Variants in ADGRV1 observed in about 807,000 individuals in gnomAD.
ADGRV1 encodes adhesion G protein-coupled receptor V1.
A neutral mutation model predicts 596.2 loss-of-function variants in ADGRV1; 359 were observed. That is an observed-to-expected ratio of 0.60 (90% confidence interval 0.55 to 0.66). The LOEUF (loss-of-function observed/expected upper bound fraction) is 0.66. ADGRV1 is among the 30% of genes least tolerant of loss of function. ADGRV1 has a pLI of 0.00. For missense variants in ADGRV1, 7,274 were observed against 7,575.6 expected (o/e 0.96, Z 1.48); for synonymous variants, 2,681 against 2,679.2 (o/e 1.00, Z -0.02).
chr5:90,746,527 G>C (rs1355077913), intron 52 of ADGRV1, among the ~76,000 whole-genome samples: 1 of 152,140 alleles, frequency 6.6e-6, no homozygotes, highest in African/African-American at 2.4e-5. Flanking sequence ...TGCACACCAA[G>C]AGCATGTCCT....
chr5:90,647,957 A>T lies in ADGRV1; in HGVS notation c.3289+193A>T, dbSNP rs116043229. On this transcript the variant is annotated intron_variant, in intron 17 of 89. Coordinates refer to ENST00000405460, the MANE Select transcript of ADGRV1 (RefSeq NM_032119.4). ...TGTTGAACCTTTATGTACTTGTTGA[A>T]CCTTTATGACATCCTTTTTAACCTT... 1 allele frequency among the ~76,000 whole-genome samples: 151,931 copies of T among 152,316 alleles called. 75,773 individuals are homozygous for T. Among genetic ancestry groups the T allele is most frequent in the Middle Eastern group, 1 (294 of 294 alleles).
At chr5:91,099,102 T>C (rs1791139098) in intron 86 of ADGRV1, among the ~76,000 whole-genome samples, 1 of 152,236 alleles carries the variant, frequency 6.6e-6, no homozygotes, top group South Asian at 2.1e-4. Context: ...TATTTTCTTG[T>C]CCTGCTGCAA....
intron 70 of ADGRV1, among the ~76,000 whole-genome samples, chr5:90,799,602 A>C (rs1486752394): frequency 6.6e-6 from 1 of 152,204 alleles, no homozygotes; most frequent in Non-Finnish European, 1.5e-5. Flanking sequence ...TGGAACCAAA[A>C]AAGAGCCCGC....
chr5:90,966,021 A>T (rs1778423934), intron 84 of ADGRV1, among the ~76,000 whole-genome samples: 1 of 151,990 alleles, frequency 6.6e-6, no homozygotes, highest in Non-Finnish European at 1.5e-5. Flanking sequence ...AGGGAAGTGG[A>T]CTGTTTTGGA....
intron 89 of ADGRV1, 82 bp downstream of exon 89, chr5:91,153,480 A>G: frequency 1.0e-6 from 1 of 997,426 alleles, no homozygotes; most frequent in Non-Finnish European, 1.4e-6. Context: ...TGAAGTTGCA[A>G]AGTACTATCA....
rs766184898 is a variant in ADGRV1 at position 90,729,724 on chromosome 5, T to C, written c.10509T>C (p.Ala3503=). The change falls in exon 50 of 90, where the codon GCT becomes GCC. Residue 3503 remains alanine (A), a synonymous_variant. Transcript: ENST00000405460. ...ATTTTCAGTCTGTAGATTTTGCTGCTGTTAACAGAATCCACTCCTTCACAC... is the reference window on the plus strand; with the variant it reads ...ATTTTCAGTCTGTAGATTTTGCTGCCGTTAACAGAATCCACTCCTTCACAC... ...FRYFQSVDFA[A]VNRIHSFTPA... 2 of 1,613,226 alleles carry C rather than the reference T, an allele frequency of 1.2e-6. No individual in the cohort carries two copies. The highest frequency in any genetic ancestry group is 2.2e-5 in the East Asian group (1 of 44,846).
At chr5:90,804,175 G>A (rs1244149367) in intron 71 of ADGRV1, among the ~76,000 whole-genome samples, 2 of 152,158 alleles carry the variant, frequency 1.3e-5, no homozygotes, top group African/African-American at 4.8e-5. Flanking sequence ...GGCCCAGGTG[G>A]GTGAATCCCC....
rs891557484 is a variant in ADGRV1, at chr5:91,057,262, C to T, written c.18153-15185C>T. On this transcript the variant is annotated intron_variant, in intron 85 of 89. Coordinates refer to ENST00000405460, the MANE Select transcript of ADGRV1 (RefSeq NM_032119.4). ...AATTATTTCCATTTTGTAGCACATG[C>T]AAGATTTATTTGAAGAAAGAAAAAA... 2.6e-5 allele frequency among the ~76,000 whole-genome samples: 4 copies of T among 151,894 alleles called. No homozygotes were observed. In the South Asian group the frequency reaches 6.2e-4, roughly 24 times the overall value.
chr5:91,079,089 G>A (rs1023932488), intron 86 of ADGRV1, among the ~76,000 whole-genome samples: 3 of 152,158 alleles, frequency 2.0e-5, no homozygotes, highest in Admixed American at 2.0e-4. Flanking sequence ...ATCTTACCCA[G>A]TAACAGTATG....
Position 90,629,549 on chromosome 5 carries a change from T to C in ADGRV1, c.1839+10T>C. 2 of 1,559,332 alleles carry C rather than the reference T, an allele frequency of 1.3e-6. No individual in the cohort carries two copies. The highest frequency in any genetic ancestry group is 1.7e-6 in the Non-Finnish European group (2 of 1,144,324). On this transcript the variant is annotated intron_variant, in intron 9 of 89. Transcript: ENST00000405460. Reference sequence around the variant, plus strand: ...TCACTTTCTAGTACAGGTACTTGTATGATTAAAATAATCGTAATTTTGGTT... The same window carrying C: ...TCACTTTCTAGTACAGGTACTTGTACGATTAAAATAATCGTAATTTTGGTT...
At chr5:91,041,065 G>C (rs1785299606) in intron 85 of ADGRV1, among the ~76,000 whole-genome samples, 1 of 152,142 alleles carries the variant, frequency 6.6e-6, no homozygotes, top group African/African-American at 2.4e-5. Context: ...CAACCATTGT[G>C]GAAGACAGTG....
chr5:90,646,197 C>A, intron 16 of ADGRV1, 106 bp downstream of exon 16: 3 of 523,286 alleles, frequency 5.7e-6, no homozygotes, highest in Non-Finnish European at 8.5e-6. Context: ...TGCGTATATA[C>A]ATTTATATAC....
At chr5:90,624,927 C>A (rs1326504279) in intron 5 of ADGRV1, among the ~76,000 whole-genome samples, 1 of 151,962 alleles carries the variant, frequency 6.6e-6, no homozygotes, top group Admixed American at 6.6e-5. Flanking sequence ...GTAGAAACCA[C>A]GTAGTTTAAT....
chr5:90,724,400 T>A (rs963270659), intron 45 of ADGRV1, among the ~76,000 whole-genome samples: 1 of 152,092 alleles, frequency 6.6e-6, no homozygotes, highest in Non-Finnish European at 1.5e-5. Flanking sequence ...CAGCTGATTT[T>A]TGTATTTTTA....
rs727505056 is a variant in ADGRV1, at chr5:90,627,325, G to T, written c.787G>T (p.Val263Leu). The T allele has an allele frequency of 6.2e-7, 1 of 1,613,642 alleles. No homozygotes were observed. The highest frequency in any genetic ancestry group is 8.5e-7 in the Non-Finnish European group (1 of 1,179,620). The part of the protein sequence containing the change: ...EIIIKKNDSP[V>L]RFLQSIYLVP... ...CATCATTAAGAAAAATGATAGTCCC[G>T]TGAGATTCCTTCAGAGTATTTATTT... The change falls in exon 7 of 90, where the codon GTG (valine) becomes TTG (leucine). Residue 263 changes from valine to leucine, a missense_variant. Around this residue, in one of 5 missense-constraint regions of ADGRV1, gnomAD observed 1,715 missense variants for 1,708.8 expected, o/e 1.00. Coordinates refer to ENST00000405460, the MANE Select transcript of ADGRV1 (RefSeq NM_032119.4).
intron 85 of ADGRV1, among the ~76,000 whole-genome samples, chr5:91,061,998 CCA>C (rs1339185546): frequency 6.6e-6 from 1 of 152,122 alleles, no homozygotes; most frequent in Non-Finnish European, 1.5e-5. Flanking sequence ...TAGCAGTATA[CCA>C]CAGGCATTCC....
At chr5:90,605,318 G>T (rs977872944) in intron 1 of ADGRV1, among the ~76,000 whole-genome samples, 1 of 151,872 alleles carries the variant, frequency 6.6e-6, no homozygotes, top group East Asian at 1.9e-4. Context: ...AGGAGGCTGA[G>T]GCAGGAGAAT....
At chr5:90,814,456 C>G (rs553798697) in intron 74 of ADGRV1, among the ~76,000 whole-genome samples, 1 of 152,006 alleles carries the variant, frequency 6.6e-6, no homozygotes, top group Non-Finnish European at 1.5e-5. Flanking sequence ...GCTCTGTGTC[C>G]CCACTCAATT....
chr5:90,919,994 CAAAAAAAAAAA>C (rs59122926), intron 83 of ADGRV1, among the ~76,000 whole-genome samples: 1 of 80,076 alleles, frequency 1.2e-5, no homozygotes, highest in East Asian at 3.2e-4. Context: ...AACTCCATCT[CAAAAAAAAAAA>C]AAAAAAAAAA....
Sources: gnomAD v4.1 joint callset for allele counts (sites outside exome capture counted in the v4.1 genomes callset) on GRCh38, gnomAD v4.1.1 for gene constraint, gnomAD v4.1.1 regional missense constraint, MANE v1.5 for transcripts, NCBI Gene and HGNC (gene_info 2026-07-23, HGNC 2026-07-21) for gene names.